The following PPP3CC variants were observed in gnomAD, a reference collection of about 807,000 sequenced individuals.
The protein encoded by PPP3CC is serine/threonine-protein phosphatase 2B catalytic subunit gamma isoform.
PPP3CC carries 35 observed loss-of-function variants against 60.3 expected under a neutral mutation model. The observed-to-expected ratio is 0.58, with a 90% CI of 0.44 to 0.77. The LOEUF is 0.77. Among genes scored for constraint, PPP3CC ranks in the 30% least tolerant of loss-of-function variants. PPP3CC has a pLI of 0.00. For missense variants in PPP3CC, 570 were observed against 628.9 expected (o/e 0.91, Z 1.00); for synonymous variants, 206 against 224.3 (o/e 0.92, Z 0.73).
intron 1 of PPP3CC, among the ~76,000 whole-genome samples, chr8:22,462,663 T>G (rs1210543979): frequency 6.6e-6 from 1 of 151,832 alleles, no homozygotes; most frequent in East Asian, 1.9e-4. Flanking sequence ...CTCCGCCTCC[T>G]GAGTTCACAC....
At chr8:22,528,639 TAGTTTATTTTGA>T (rs2117137650) in intron 10 of PPP3CC, 62 bp downstream of exon 10, 1 of 1,196,852 alleles carries the variant, frequency 8.4e-7, no homozygotes, top group Admixed American at 2.4e-5. Context: ...TTAGTTGTTT[TAGTTTATTTTGA>T]ATGATTTTCT....
At chr8:22,462,081 T>C (rs1837378381) in intron 1 of PPP3CC, among the ~76,000 whole-genome samples, 1 of 152,058 alleles carries the variant, frequency 6.6e-6, no homozygotes, top group African/African-American at 2.4e-5. Context: ...AAAAAAATTT[T>C]TTTAAAATTA....
At chr8:22,535,430 T>G (rs1178887255) in intron 12 of PPP3CC, among the ~76,000 whole-genome samples, 1 of 152,226 alleles carries the variant, frequency 6.6e-6, no homozygotes, top group African/African-American at 2.4e-5. Flanking sequence ...CTTTTTTTGC[T>G]CCCCTTGTTT....
chr8:22,451,749 G>T (rs1242787342), intron 1 of PPP3CC, among the ~76,000 whole-genome samples: 1 of 152,202 alleles, frequency 6.6e-6, no homozygotes, highest in Non-Finnish European at 1.5e-5. Flanking sequence ...TTCTAATTCA[G>T]TGTACGCAAA....
intron 1 of PPP3CC, among the ~76,000 whole-genome samples, chr8:22,447,319 A>C (rs979484727): frequency 3.3e-5 from 5 of 151,122 alleles, no homozygotes; most frequent in African/African-American, 1.2e-4. Flanking sequence ...AGCTGGGACT[A>C]CAGGCACCTG....
chr8:22,520,767 T>C (rs917804643), intron 6 of PPP3CC, among the ~76,000 whole-genome samples: 2 of 152,236 alleles, frequency 1.3e-5, no homozygotes, highest in African/African-American at 2.4e-5. Flanking sequence ...AGATGATTAT[T>C]TTGGATTCTT....
chr8:22,447,012 GT>G (rs922028543), intron 1 of PPP3CC, among the ~76,000 whole-genome samples: 3 of 151,042 alleles, frequency 2.0e-5, no homozygotes, highest in East Asian at 3.9e-4. Context: ...CCCGTTTATA[GT>G]TTTTTTTGGT....
In PPP3CC at chr8:22,442,988, G is replaced by T. The variant is rs939416478; in HGVS notation, c.49+1530G>T. On this transcript the variant is annotated intron_variant, in intron 1 of 13. Coordinates refer to ENST00000240139, the MANE Select transcript of PPP3CC (RefSeq NM_005605.5). Reference sequence around the variant, plus strand: ...CCTTAACTGCTTTCTAATCTGCTACGTCTTAGCTGAAGTAGGCAGGGAAAC... The same window carrying T: ...CCTTAACTGCTTTCTAATCTGCTACTTCTTAGCTGAAGTAGGCAGGGAAAC... Among the ~76,000 whole-genome samples, 7 of 152,170 alleles carry T rather than the reference G, an allele frequency of 4.6e-5. No individual in the cohort carries two copies. The East Asian group carries it at 1.4e-3, about 29-fold the overall frequency.
intron 3 of PPP3CC, among the ~76,000 whole-genome samples, chr8:22,496,004 C>T (rs1838568399): frequency 6.6e-6 from 1 of 152,124 alleles, no homozygotes; most frequent in South Asian, 2.1e-4. Flanking sequence ...TCTTCTAGAA[C>T]TTGTGTGGCT....
At chr8:22,469,970 A>G (rs879741564) in intron 1 of PPP3CC, among the ~76,000 whole-genome samples, 11 of 151,466 alleles carry the variant, frequency 7.3e-5, no homozygotes, top group Non-Finnish European at 1.6e-4. Context: ...AGACATATAT[A>G]TATATATATA....
chr8:22,451,300 T>G (rs561077522), intron 1 of PPP3CC, among the ~76,000 whole-genome samples: 3 of 152,054 alleles, frequency 2.0e-5, no homozygotes, highest in Non-Finnish European at 4.4e-5. Flanking sequence ...CACGCCCAGC[T>G]AGTTTTTGTA....
chr8:22,476,660 C>T (rs529923944), intron 3 of PPP3CC, among the ~76,000 whole-genome samples: 2 of 152,284 alleles, frequency 1.3e-5, no homozygotes, highest in South Asian at 2.1e-4. Context: ...TGGCCAGGCA[C>T]GGTGGCTCAC....
chr8:22,485,937 A>C (rs538283851), intron 3 of PPP3CC, among the ~76,000 whole-genome samples: 2 of 152,280 alleles, frequency 1.3e-5, no homozygotes, highest in Admixed American at 1.3e-4. Context: ...ATTTCAGCAG[A>C]TCATTTCAGT....
intron 1 of PPP3CC, among the ~76,000 whole-genome samples, chr8:22,445,561 A>G (rs1053223754): frequency 4.6e-5 from 7 of 152,214 alleles, no homozygotes; most frequent in African/African-American, 1.7e-4. Flanking sequence ...AGCTTTTGTT[A>G]TGCAAATATT....
Position 22,540,784 on chromosome 8 carries a change from G to A in PPP3CC, c.1521G>A (p.Gly507=). The change falls in exon 14 of 14, where the codon GGG becomes GGA. Residue 507 remains glycine (G), a synonymous_variant. Transcript: ENST00000240139. ...ATGCTGCGCACAGGAGCGACCAAGG[G>A]AAGAAAGCCCATTCATGACTTAGAG... ...HSHAAHRSDQ[G]KKAHS is the part of the protein sequence containing the mutation. 1 of 1,611,532 alleles carries A rather than the reference G, an allele frequency of 6.2e-7. No homozygotes were observed. The highest frequency in any genetic ancestry group is 1.1e-5 in the South Asian group (1 of 90,728).
intron 12 of PPP3CC, among the ~76,000 whole-genome samples, chr8:22,537,850 A>G (rs750522079): frequency 6.6e-6 from 1 of 152,214 alleles, no homozygotes; most frequent in Non-Finnish European, 1.5e-5. Flanking sequence ...GAACAGACCA[A>G]TCTAGAGAGA....
chr8:22,477,683 A>C (rs567804182), intron 3 of PPP3CC, among the ~76,000 whole-genome samples: 13 of 152,052 alleles, frequency 8.5e-5, no homozygotes, highest in Non-Finnish European at 1.6e-4. Flanking sequence ...GCTGGAGTGC[A>C]GTGGCTATAC....
chr8:22,523,494 G>C (rs747490407), intron 8 of PPP3CC: 15 of 188,070 alleles, frequency 8.0e-5, no homozygotes, highest in Non-Finnish European at 1.4e-4. Flanking sequence ...AAATTAATAG[G>C]ACTTTGAAAA....
chr8:22,459,669 A>G (rs1837310690), intron 1 of PPP3CC, among the ~76,000 whole-genome samples: 1 of 152,186 alleles, frequency 6.6e-6, no homozygotes, highest in South Asian at 2.1e-4. Context: ...TATATGTATT[A>G]AGAAGAAGTA....
Sources: gnomAD v4.1 joint callset for allele counts (sites outside exome capture counted in the v4.1 genomes callset) on GRCh38, gnomAD v4.1.1 for gene constraint, MANE v1.5 for transcripts, NCBI Gene and HGNC (gene_info 2026-07-23, HGNC 2026-07-21) for gene names.